The following FRY variants were observed in gnomAD, a reference collection of about 807,000 sequenced individuals.
FRY encodes the protein FRY microtubule binding protein, also known as protein furry homolog.
Under a neutral mutation model 348.4 loss-of-function variants are expected in FRY, and 128 were observed. The observed-to-expected ratio is 0.37, with a 90% CI of 0.32 to 0.43. The LOEUF (loss-of-function observed/expected upper bound fraction) is 0.43, where lower values mean the gene tolerates loss of function less well. Ranked by LOEUF, FRY falls within the 20% of genes least tolerant of loss-of-function variation. The pLI is 1.00. For synonymous variants in FRY, 1,370 were observed against 1,374.7 expected (o/e 1.00, Z 0.08); for missense variants, 2,736 against 3,695.2 (o/e 0.74, Z 6.73).
At chr13:32,260,391 T>C (rs953521610) in intron 51 of FRY, among the ~76,000 whole-genome samples, 16 of 55,954 alleles carry the variant, frequency 2.9e-4, no homozygotes, top group African/African-American at 6.5e-4. Context: ...ATATTTTTCT[T>C]CCTTTATTCC....
At chr13:32,222,891 G>A (rs1033772479) in intron 36 of FRY, among the ~76,000 whole-genome samples, 1 of 152,186 alleles carries the variant, frequency 6.6e-6, no homozygotes, top group Non-Finnish European at 1.5e-5. Flanking sequence ...ATTTGGGTAT[G>A]GGATATGAGG....
At chr13:32,216,889 G>T (rs532181427) in intron 35 of FRY, among the ~76,000 whole-genome samples, 1 of 152,338 alleles carries the variant, frequency 6.6e-6, no homozygotes, top group African/African-American at 2.4e-5. Context: ...CTGGGGAAAA[G>T]ATAGCTGTCA....
intron 7 of FRY, among the ~76,000 whole-genome samples, chr13:32,131,053 T>G (rs1311797117): frequency 6.6e-6 from 1 of 152,198 alleles, no homozygotes; most frequent in Non-Finnish European, 1.5e-5. Flanking sequence ...TGACCTCAGG[T>G]GATCTGCCCG....
At chr13:32,116,567 C>G (rs1356464757) in intron 3 of FRY, among the ~76,000 whole-genome samples, 3 of 152,010 alleles carry the variant, frequency 2.0e-5, no homozygotes, top group Non-Finnish European at 4.4e-5. Context: ...AAGGTTTTAT[C>G]CTATGTTTTC....
intron 4 of FRY, among the ~76,000 whole-genome samples, chr13:32,120,887 C>T (rs1878609068): frequency 6.6e-6 from 1 of 152,204 alleles, no homozygotes; most frequent in Non-Finnish European, 1.5e-5. Context: ...GTCTTGAACT[C>T]GTGACCTCAT....
At chr13:32,173,336 A>T in intron 18 of FRY, 31 bp from the exon 19 acceptor site, 1 of 1,567,016 alleles carries the variant, frequency 6.4e-7, no homozygotes, top group Non-Finnish European at 8.8e-7. Context: ...TATTTCGCTG[A>T]ATACAGAATG....
At chr13:32,175,685 T>C in intron 20 of FRY, 53 bp downstream of exon 20, 1 of 1,028,212 alleles carries the variant, frequency 9.7e-7, no homozygotes, top group Admixed American at 1.7e-5. Flanking sequence ...TGGACCTATC[T>C]AAAATAGTCA....
intron 16 of FRY, 54 bp downstream of exon 16, chr13:32,157,459 T>A: frequency 6.7e-7 from 1 of 1,494,528 alleles, no homozygotes; most frequent in Non-Finnish European, 9.3e-7. Context: ...AAAACACAAG[T>A]AGAGAGTATT....
intron 29 of FRY, among the ~76,000 whole-genome samples, chr13:32,201,618 GCATTAAAGT>G (rs6144990): frequency 0.4 from 61,271 of 151,424 alleles, 12,528 homozygotes; most frequent in Admixed American, 0.42. Context: ...TTGTTGGTTT[GCATTAAAGT>G]CATTAAAGTC....
intron 4 of FRY, among the ~76,000 whole-genome samples, chr13:32,123,449 G>T (rs1380734682): frequency 5.3e-5 from 8 of 152,040 alleles, no homozygotes; most frequent in Non-Finnish European, 1.2e-4. Context: ...GTCTCAAGTG[G>T]CAAAAAATGT....
At position 32,278,443 on chromosome 13, in the gene FRY, T is replaced by A. The variant is rs200478027; in HGVS notation, c.8386-22T>A. 8.4e-5 allele frequency: 110 copies of A among 1,314,362 alleles called. No individual in the cohort carries two copies. The Admixed American group carries it at 8.4e-4, about 10-fold the overall frequency. 81.4% of individuals were successfully genotyped at this position (1,314,362 alleles called of 1,614,324 possible). On this transcript the variant is annotated intron_variant, in intron 57 of 60. Coordinates refer to ENST00000542859, the MANE Select transcript of FRY (RefSeq NM_023037.3). Reference sequence around the variant, plus strand: ...CAGAACATTGCTGAATTTACCTATGTCTTTCCCTCTCTTTCTGACAGTGGC... The same window carrying A: ...CAGAACATTGCTGAATTTACCTATGACTTTCCCTCTCTTTCTGACAGTGGC...
intron 3 of FRY, among the ~76,000 whole-genome samples, chr13:32,104,435 A>G (rs1877400388): frequency 1.3e-5 from 2 of 152,238 alleles, no homozygotes; most frequent in Non-Finnish European, 2.9e-5. Flanking sequence ...GGTGACTCAC[A>G]TGCACATTAA....
At position 32,274,828 on chromosome 13, in the gene FRY, A is replaced by AT. The variant is rs765592463; in HGVS notation, c.8137-10dup. The AT allele has an allele frequency of 6.2e-7, 1 of 1,608,866 alleles. No individual in the cohort carries two copies. The highest frequency in any genetic ancestry group is 1.1e-5 in the South Asian group (1 of 90,988). On this transcript the variant is annotated splice_polypyrimidine_tract_variant and intron_variant, in intron 55 of 60. Coordinates refer to ENST00000542859, the MANE Select transcript of FRY (RefSeq NM_023037.3). Reference sequence around the variant, plus strand: ...AACTTGACCTTTACAAATGGTCACTATTTTGCCTTGCAGAATATTCAGAAA... The same window carrying AT: ...AACTTGACCTTTACAAATGGTCACTATTTTTGCCTTGCAGAATATTCAGAAA...
At position 32,157,201 on chromosome 13, in the gene FRY, T is replaced by C. The variant is rs1241616419; in HGVS notation, c.1652-72T>C. ...ATAAGGTCTTCAGTAAAAAATATTA[T>C]AGAGGATGAATAAATCAGGATATCC... On this transcript the variant is annotated intron_variant, in intron 15 of 60. Coordinates refer to ENST00000542859, the MANE Select transcript of FRY (RefSeq NM_023037.3). The C allele has an allele frequency of 6.3e-6, 9 of 1,424,802 alleles. No homozygotes were observed. The African/African-American group carries it at 1.3e-4, about 20-fold the overall frequency. The allele number at this position is 1,424,802 out of a possible 1,614,324, so 88.3% of individuals were successfully genotyped here. A position where few individuals can be genotyped will look rare whatever the true frequency, so the allele number is the denominator to read the frequency against.
In FRY at chr13:32,070,171, C is replaced by T. The variant is rs1874543121; in HGVS notation, c.71-8663C>T. 2.0e-5 allele frequency among the ~76,000 whole-genome samples: 3 copies of T among 152,200 alleles called. No homozygotes were observed. The South Asian group carries it at 6.2e-4, about 31-fold the overall frequency. On this transcript the variant is annotated intron_variant, in intron 1 of 60. Coordinates refer to ENST00000542859, the MANE Select transcript of FRY (RefSeq NM_023037.3). The stretch of plus-strand genomic sequence containing the variant: ...CTATTGTGAATAGTGCTGCAGTAAA[C>T]ATACATGTGCATGTGTCCTTATAGT...
intron 12 of FRY, 68 bp from the exon 13 acceptor site, chr13:32,147,771 C>T (rs2138831109): frequency 2.3e-6 from 2 of 865,146 alleles, no homozygotes; most frequent in East Asian, 4.8e-5. Context: ...AAATATCTGC[C>T]ATTTTCCCTT....
intron 1 of FRY, among the ~76,000 whole-genome samples, chr13:32,034,202 ATGAC>A (rs1279468784): frequency 3.3e-5 from 5 of 152,224 alleles, no homozygotes; most frequent in Non-Finnish European, 7.3e-5. Flanking sequence ...CTCTATAACT[ATGAC>A]TGGCTGTTTT....
In FRY at chr13:32,239,736, A is replaced by G. The variant is rs193120945; in HGVS notation, c.6542A>G (p.Lys2181Arg). 2.1e-3 allele frequency: 3,368 copies of G among 1,613,684 alleles called. 11 individuals carry two copies. The highest frequency in any genetic ancestry group is 7.3e-3 in the Middle Eastern group (44 of 6,060). Reference sequence around the variant, plus strand: ...GTTTGTTTAGAAGAGAAGAACCCCAAACTTTCAAATCTTGCACATGTCATG... The same window carrying G: ...GTTTGTTTAGAAGAGAAGAACCCCAGACTTTCAAATCTTGCACATGTCATG... The part of the protein sequence containing the change: ...AQVCLEEKNP[K>R]LSNLAHVMTL... The change falls in exon 46 of 61, where the codon AAA (lysine) becomes AGA (arginine). Residue 2181 changes from lysine (K) to arginine (R), a missense_variant. This residue lies in a region of FRY where 789 missense variants were observed against 996.2 expected (regional missense o/e 0.79). Transcript: ENST00000542859. This position sits in a 1 kb window ranked among gnomAD's most constrained non-coding sequence, Gnocchi z 4.3.
chr13:32,075,338 A>T (rs1874978558), intron 1 of FRY, among the ~76,000 whole-genome samples: 1 of 152,196 alleles, frequency 6.6e-6, no homozygotes, highest in South Asian at 2.1e-4. Flanking sequence ...AGCCTGTGAG[A>T]CTGTCATATT....
Sources: allele counts gnomAD v4.1 joint callset (sites outside exome capture counted in the v4.1 genomes callset), GRCh38; gene constraint gnomAD v4.1.1; regional missense constraint gnomAD v4.1.1; non-coding constraint Gnocchi (gnomAD v3.1); transcripts MANE v1.5; gene names NCBI Gene and HGNC (gene_info 2026-07-23, HGNC 2026-07-21).